Variants in TRERF1 observed in about 807,000 individuals in gnomAD.
TRERF1 encodes transcriptional-regulating factor 1.
A neutral mutation model predicts 122.9 loss-of-function variants in TRERF1; 27 were observed. The observed-to-expected ratio is 0.22, with a 90% confidence interval of 0.16 to 0.30. The LOEUF (loss-of-function observed/expected upper bound fraction) is 0.30, where lower values mean the gene tolerates loss of function less well. Among genes scored for constraint, TRERF1 ranks in the 10% least tolerant of loss-of-function variants. The pLI is 1.00. For synonymous variants in TRERF1, 636 were observed against 641.7 expected, an observed-to-expected ratio of 0.99 and a Z score of 0.13; for missense variants, 1,248 against 1,560.3, an observed-to-expected ratio of 0.80 and a Z score of 3.37.
intron 2 of TRERF1, among the ~76,000 whole-genome samples, chr6:42,438,925 G>A (rs1582244989): frequency 6.6e-6 from 1 of 152,152 alleles, no homozygotes; most frequent in African/African-American, 2.4e-5. Context: ...TGGGAGGGGA[G>A]GGGAAGGAGG....
intron 3 of TRERF1, among the ~76,000 whole-genome samples, chr6:42,336,963 C>T (rs1766311069): frequency 6.6e-6 from 1 of 152,182 alleles, no homozygotes; most frequent in Non-Finnish European, 1.5e-5. Flanking sequence ...CTCTAGCAAG[C>T]GCCAGAGAGA....
At chr6:42,283,489 T>C (rs759976435) in intron 4 of TRERF1, among the ~76,000 whole-genome samples, 2 of 152,108 alleles carry the variant, frequency 1.3e-5, no homozygotes, top group African/African-American at 2.4e-5. Context: ...ACTGGGCTAA[T>C]TGGGGAAAAG....
chr6:42,350,626 C>T (rs1193469660), intron 3 of TRERF1, among the ~76,000 whole-genome samples: 1 of 152,118 alleles, frequency 6.6e-6, no homozygotes, highest in Non-Finnish European at 1.5e-5. Flanking sequence ...GTTTAAACCC[C>T]CTCACTCCCA....
At chr6:42,298,043 T>C (rs1298949308) in intron 4 of TRERF1, among the ~76,000 whole-genome samples, 1 of 151,794 alleles carries the variant, frequency 6.6e-6, no homozygotes, top group Non-Finnish European at 1.5e-5. Flanking sequence ...CTTCTAGAAA[T>C]GACAAATAAA....
intron 7 of TRERF1, among the ~76,000 whole-genome samples, chr6:42,264,372 G>A (rs1778771762): frequency 6.6e-6 from 1 of 152,242 alleles, no homozygotes. Context: ...AGTGGGCCTG[G>A]TCTTGGGTGT....
chr6:42,303,803 C>A (rs905559412), intron 3 of TRERF1, among the ~76,000 whole-genome samples: 4 of 147,512 alleles, frequency 2.7e-5, no homozygotes, highest in Non-Finnish European at 5.9e-5. Context: ...GTAGTCCCAG[C>A]TACTTGAGAG....
Position 42,433,194 on chromosome 6 carries a change from CAGAA to C in TRERF1, c.-454+17979_-454+17982del, listed in dbSNP as rs1582203407. ...TGGTGCAAGGAACACAGAGGCAAAA[CAGAA>C]AGCAGTAAATGAAAGCTTTCAGCAG... On this transcript the variant is annotated intron_variant, in intron 2 of 17. Coordinates refer to ENST00000372922, the Ensembl canonical transcript of TRERF1. Among the ~76,000 whole-genome samples the C allele has an allele frequency of 2.6e-5, 4 of 152,094 alleles. No homozygotes were observed. The South Asian group carries it at 8.3e-4, about 32-fold the overall frequency.
At chr6:42,383,996 T>C (rs1776384191) in intron 2 of TRERF1, among the ~76,000 whole-genome samples, 1 of 151,332 alleles carries the variant, frequency 6.6e-6, no homozygotes, top group African/African-American at 2.4e-5. Flanking sequence ...CACCACTGTG[T>C]TGGTGAGGAT....
intron 2 of TRERF1, among the ~76,000 whole-genome samples, chr6:42,382,212 T>C (rs1378571752): frequency 6.6e-6 from 1 of 151,418 alleles, no homozygotes; most frequent in African/African-American, 2.4e-5. Context: ...CACCCAGGGA[T>C]GGGCATCCTG....
In TRERF1 at chr6:42,323,191, C is replaced by T. The variant is rs73428895; in HGVS notation, c.-370-22442G>A. On this transcript the variant is annotated intron_variant, in intron 3 of 17. Coordinates refer to ENST00000372922, the Ensembl canonical transcript of TRERF1. ...TTGATAAAGGAGGTGCAACTTTCCC[C>T]CAGTTTTTTTTTTTTTTTTCCTTTT... is the stretch of plus-strand genomic sequence containing the variant. 6.1e-3 allele frequency among the ~76,000 whole-genome samples: 913 copies of T among 148,988 alleles called. 8 individuals carry two copies. The highest frequency in any genetic ancestry group is 0.022 in the African/African-American group (849 of 39,260).
intron 3 of TRERF1, among the ~76,000 whole-genome samples, chr6:42,304,029 G>A (rs1045513067): frequency 6.6e-6 from 1 of 151,656 alleles, no homozygotes; most frequent in Non-Finnish European, 1.5e-5. Flanking sequence ...TCCCAAACTG[G>A]CATGAGACAT....
intron 4 of TRERF1, among the ~76,000 whole-genome samples, chr6:42,278,271 C>T (rs1781664984): frequency 6.6e-6 from 1 of 152,148 alleles, no homozygotes; most frequent in Admixed American, 6.5e-5. Flanking sequence ...GTCTCCACCT[C>T]TCCTTTTATG....
At chr6:42,345,716 C>T (rs762706430) in intron 3 of TRERF1, among the ~76,000 whole-genome samples, 14 of 152,226 alleles carry the variant, frequency 9.2e-5, no homozygotes, top group Non-Finnish European at 1.6e-4. Context: ...CTCATTCTCC[C>T]ATGCCAGTAT....
Position 42,246,563 on chromosome 6 carries a change from A to G in TRERF1, c.2657-19T>C. On this transcript the variant is annotated intron_variant, in intron 13 of 17. Coordinates refer to ENST00000372922, the Ensembl canonical transcript of TRERF1. ...TCCGAACCTACAACAAAACACAAAC[A>G]TCATAAGAACAGCTCACAGTTCCCC... The G allele has an allele frequency of 6.3e-7, 1 of 1,578,726 alleles. No homozygotes were observed. The highest frequency in any genetic ancestry group is 1.2e-5 in the South Asian group (1 of 85,774).
chr6:42,371,597 G>A (rs777088223), intron 2 of TRERF1, among the ~76,000 whole-genome samples: 10 of 152,220 alleles, frequency 6.6e-5, no homozygotes, highest in South Asian at 2.1e-4. Flanking sequence ...TGGGGCTCTC[G>A]AGGTAGCTTT....
chr6:42,305,601 G>A (rs1008301176), intron 3 of TRERF1, among the ~76,000 whole-genome samples: 1 of 151,334 alleles, frequency 6.6e-6, no homozygotes, highest in Non-Finnish European at 1.5e-5. Context: ...CTACCAGACC[G>A]AGGACGGGGG....
intron 2 of TRERF1, among the ~76,000 whole-genome samples, chr6:42,364,962 GTCTCTT>G (rs1772457193): frequency 6.6e-6 from 1 of 152,180 alleles, no homozygotes; most frequent in Non-Finnish European, 1.5e-5. Context: ...GAGGAAGGAT[GTCTCTT>G]TCTCTGAGTG....
At chr6:42,322,701 A>G (rs1763644230) in intron 3 of TRERF1, among the ~76,000 whole-genome samples, 1 of 152,242 alleles carries the variant, frequency 6.6e-6, no homozygotes, top group African/African-American at 2.4e-5. Context: ...TATGAGACTA[A>G]GTATGAAGGG....
At chr6:42,360,497 T>G (rs551323229) in intron 3 of TRERF1, among the ~76,000 whole-genome samples, 1 of 152,200 alleles carries the variant, frequency 6.6e-6, no homozygotes, top group Non-Finnish European at 1.5e-5. Context: ...ATTAAAACAC[T>G]TGAAGATTCA....
Sources: allele counts gnomAD v4.1 joint callset (sites outside exome capture counted in the v4.1 genomes callset), GRCh38; gene constraint gnomAD v4.1.1; transcripts MANE v1.5; gene names NCBI Gene and HGNC (gene_info 2026-07-23, HGNC 2026-07-21).